GALNT13: variants seen among roughly 807,000 people sequenced by gnomAD.
GALNT13 encodes the protein polypeptide N-acetylgalactosaminyltransferase 13.
Under a neutral mutation model 64.2 loss-of-function variants are expected in GALNT13, and 28 were observed. The observed-to-expected ratio is 0.44, with a 90% CI of 0.32 to 0.60. The LOEUF is 0.60. Ranked by LOEUF, GALNT13 falls within the 20% of genes least tolerant of loss-of-function variation. GALNT13 has a pLI of 0.05. For synonymous variants in GALNT13, 214 were observed against 224.6 expected, an observed-to-expected ratio of 0.95 and a Z score of 0.42; for missense variants, 577 against 669.8, an observed-to-expected ratio of 0.86 and a Z score of 1.53.
chr2:153,526,655 A>G, the GALNT13 span, among the ~76,000 whole-genome samples: 1 of 152,220 alleles, frequency 6.6e-6, no homozygotes, highest in Non-Finnish European at 1.5e-5. Flanking sequence ...ACAAATATGT[A>G]CAAGTATTGA....
chr2:153,855,792 G>A, the GALNT13 span, among the ~76,000 whole-genome samples: 38 of 152,184 alleles, frequency 2.5e-4, 1 homozygote, highest in Non-Finnish European at 2.2e-4. Context: ...GTGAATGTTC[G>A]TAGCAGCATT....
the GALNT13 span, among the ~76,000 whole-genome samples, chr2:153,137,350 T>A: frequency 0.18 from 27,653 of 152,002 alleles, 3,131 homozygotes; most frequent in African/African-American, 0.31. Context: ...AAGGCAAGTA[T>A]ATCTGGAAAG....
chr2:153,677,284 T>TACACACACACAC, the GALNT13 span, among the ~76,000 whole-genome samples: 195 of 144,756 alleles, frequency 1.3e-3, 3 homozygotes, highest in African/African-American at 4.6e-3. Flanking sequence ...ACAATAGACA[T>TACACACACACAC]ACACACACAC....
intron 12 of GALNT13, chr2:154,445,668 T>G: frequency 2.8e-6 from 1 of 356,222 alleles, no homozygotes. Flanking sequence ...TATGTACTAT[T>G]TTACTGTGGA....
intron 4 of GALNT13, among the ~76,000 whole-genome samples, chr2:154,174,728 T>C (rs1685555201): frequency 6.6e-6 from 1 of 152,154 alleles, no homozygotes. Context: ...CATTTCTCAT[T>C]GGGAAATAAG....
At chr2:154,422,423 G>T (rs563567801) in intron 11 of GALNT13, among the ~76,000 whole-genome samples, 32 of 152,180 alleles carry the variant, frequency 2.1e-4, no homozygotes, top group African/African-American at 7.7e-4. Flanking sequence ...TACAAAGCAT[G>T]AAGCTACATG....
chr2:154,126,295 T>A (rs1682256316), intron 3 of GALNT13, among the ~76,000 whole-genome samples: 1 of 151,684 alleles, frequency 6.6e-6, no homozygotes, highest in African/African-American at 2.4e-5. Flanking sequence ...AAAAAAAAAA[T>A]ACTGGTGCCA....
At chr2:154,135,813 G>A (rs1682917865) in intron 3 of GALNT13, among the ~76,000 whole-genome samples, 1 of 152,128 alleles carries the variant, frequency 6.6e-6, no homozygotes, top group South Asian at 2.1e-4. Context: ...AGGTGACATA[G>A]AGAAAACCCC....
At chr2:153,903,288 G>A (rs975158504) in intron 2 of GALNT13, among the ~76,000 whole-genome samples, 21 of 151,940 alleles carry the variant, frequency 1.4e-4, no homozygotes, top group African/African-American at 3.6e-4. Flanking sequence ...GTAAAAGAAC[G>A]CATTTTAAAG....
chr2:154,018,491 T>C (rs1009182668), intron 3 of GALNT13, among the ~76,000 whole-genome samples: 2 of 152,112 alleles, frequency 1.3e-5, no homozygotes, highest in African/African-American at 4.8e-5. Flanking sequence ...AGTTCAACCT[T>C]TTTTATTAGC....
chr2:154,090,862 G>T (rs1701769982), intron 3 of GALNT13, among the ~76,000 whole-genome samples: 1 of 151,612 alleles, frequency 6.6e-6, no homozygotes, highest in African/African-American at 2.4e-5. Flanking sequence ...TACAGTATTG[G>T]GTAATATTTT....
chr2:153,668,173 A>G, the GALNT13 span, among the ~76,000 whole-genome samples: 1 of 152,176 alleles, frequency 6.6e-6, no homozygotes, highest in East Asian at 1.9e-4. Flanking sequence ...GGAGAGTTCA[A>G]TGCCCCACTG....
intron 9 of GALNT13, among the ~76,000 whole-genome samples, chr2:154,345,231 G>A (rs758012010): frequency 2.0e-5 from 3 of 151,984 alleles, no homozygotes; most frequent in African/African-American, 7.2e-5. Context: ...CCTCTTAGTA[G>A]CTGGAAAGTT....
At chr2:154,373,887 G>C (rs1385753646) in intron 9 of GALNT13, among the ~76,000 whole-genome samples, 1 of 152,094 alleles carries the variant, frequency 6.6e-6, no homozygotes, top group African/African-American at 2.4e-5. Flanking sequence ...TTTTGTTTAT[G>C]TTTTGCTTTA....
At chr2:153,377,317 T>C in the GALNT13 span, among the ~76,000 whole-genome samples, 5 of 152,198 alleles carry the variant, frequency 3.3e-5, no homozygotes, top group African/African-American at 1.2e-4. Context: ...TATTTTATTA[T>C]GGCAGGCTGC....
chr2:153,729,901 A>G, the GALNT13 span, among the ~76,000 whole-genome samples: 1 of 151,746 alleles, frequency 6.6e-6, no homozygotes, highest in Non-Finnish European at 1.5e-5. Flanking sequence ...ATATCCAGAA[A>G]GAGAACCACA....
the GALNT13 span, among the ~76,000 whole-genome samples, chr2:153,409,384 A>ATATTCATATGTGTG: frequency 6.7e-6 from 1 of 150,290 alleles, no homozygotes; most frequent in South Asian, 2.1e-4. Context: ...GTGTATATAT[A>ATATTCATATGTGTG]TATATATCTC....
chr2:153,328,464 G>C, the GALNT13 span, among the ~76,000 whole-genome samples: 2 of 152,196 alleles, frequency 1.3e-5, no homozygotes, highest in African/African-American at 4.8e-5. Flanking sequence ...ATAAGCCCCT[G>C]ACTGGGGCTG....
the GALNT13 span, among the ~76,000 whole-genome samples, chr2:153,216,975 A>G: frequency 1.3e-5 from 2 of 151,986 alleles, no homozygotes; most frequent in Admixed American, 1.3e-4. Context: ...TAATTTTTAT[A>G]TATGGAGTGA....
Sources: allele counts gnomAD v4.1 joint callset (sites outside exome capture counted in the v4.1 genomes callset), GRCh38; gene constraint gnomAD v4.1.1; transcripts MANE v1.5; gene names NCBI Gene and HGNC (gene_info 2026-07-23, HGNC 2026-07-21).